ASAP2: variants seen among roughly 807,000 people sequenced by gnomAD.
ASAP2 encodes the protein arf-GAP with SH3 domain, ANK repeat and PH domain-containing protein 2.
ASAP2 carries 45 observed loss-of-function variants against 131.4 expected under a neutral mutation model. The ratio of observed to expected loss-of-function variants is 0.34; its 90% CI spans 0.27 to 0.44. The LOEUF is 0.44. ASAP2 is among the 20% of genes least tolerant of loss of function. ASAP2 has a pLI of 1.00. For missense variants in ASAP2, 1,011 were observed against 1,297.0 expected (o/e 0.78, Z 3.39); for synonymous variants, 510 against 503.0 (o/e 1.01, Z -0.19).
intron 3 of ASAP2, among the ~76,000 whole-genome samples, chr2:9,305,571 G>A (rs1191738672): frequency 5.5e-3 from 728 of 132,976 alleles, no homozygotes; most frequent in Non-Finnish European, 6.5e-3. Context: ...AGGGGCTGTA[G>A]TAGTGAGGTA....
At chr2:9,241,343 G>C (rs187697014) in intron 1 of ASAP2, among the ~76,000 whole-genome samples, 1 of 152,164 alleles carries the variant, frequency 6.6e-6, no homozygotes, top group Non-Finnish European at 1.5e-5. Flanking sequence ...TTTGGTGAGA[G>C]GTTTTCTGGG....
intron 1 of ASAP2, among the ~76,000 whole-genome samples, chr2:9,248,595 A>C (rs1056819588): frequency 2.0e-4 from 30 of 152,186 alleles, no homozygotes; most frequent in African/African-American, 7.0e-4. Context: ...TGTTCAGAAT[A>C]AACACACCTA....
chr2:9,388,159 C>A (rs1381571623), intron 21 of ASAP2, 135 bp from the exon 22 acceptor site: 1 of 1,105,988 alleles, frequency 9.0e-7, no homozygotes, highest in Non-Finnish European at 1.3e-6. Flanking sequence ...AGCTCTCAGG[C>A]AACAGTTGAG....
intron 5 of ASAP2, among the ~76,000 whole-genome samples, chr2:9,320,958 A>G (rs994351569): frequency 1.3e-5 from 2 of 152,186 alleles, no homozygotes; most frequent in African/African-American, 2.4e-5. Context: ...AACTTCCCCA[A>G]TCACAGTTTC....
chr2:9,400,062 G>T lies in ASAP2; in HGVS notation c.2724G>T (p.Pro908=). 2 of 1,613,312 alleles carry T rather than the reference G, an allele frequency of 1.2e-6. No homozygotes were observed. The highest frequency in any genetic ancestry group is 1.1e-5 in the South Asian group (1 of 91,072). ...CCCCACTGACCAACAAAGGCCAACCGAGAGGACCTGGTAATTATTTAATTT... is the reference window on the plus strand; with the variant it reads ...CCCCACTGACCAACAAAGGCCAACCTAGAGGACCTGGTAATTATTTAATTT... ...KSTPLTNKGQ[P]RGPVDLSATE... Residue 908 remains proline (P), a synonymous_variant, in exon 25 of 28, where the codon CCG becomes CCT. Transcript: ENST00000281419.
intron 16 of ASAP2, among the ~76,000 whole-genome samples, chr2:9,374,201 G>A (rs1029911746): frequency 3.9e-5 from 6 of 152,224 alleles, no homozygotes; most frequent in African/African-American, 1.4e-4. Context: ...ACACAAAGAG[G>A]ACTGCCATTT....
intron 1 of ASAP2, among the ~76,000 whole-genome samples, chr2:9,210,894 G>A (rs550352348): frequency 4.0e-5 from 6 of 151,436 alleles, no homozygotes; most frequent in African/African-American, 7.2e-5. Context: ...GGTGGCTCAC[G>A]CCTGTAATCC....
chr2:9,234,133 G>A (rs1663371321), intron 1 of ASAP2, among the ~76,000 whole-genome samples: 1 of 147,390 alleles, frequency 6.8e-6, no homozygotes, highest in Non-Finnish European at 1.5e-5. Context: ...AAAAAAAAAG[G>A]AAGAGGGGAG....
chr2:9,341,710 C>T (rs1212654957), intron 9 of ASAP2, among the ~76,000 whole-genome samples: 1 of 152,174 alleles, frequency 6.6e-6, no homozygotes, highest in East Asian at 1.9e-4. Context: ...AGCAGTATTT[C>T]TCCACATTCC....
chr2:9,207,116 G>C lies in ASAP2; in HGVS notation c.12G>C (p.Gln4His), dbSNP rs928852938. The change falls in exon 1 of 28, where the codon CAG becomes CAC. Residue 4 changes from glutamine (Q) to histidine (H), a missense_variant. Around this residue, in one of 2 missense-constraint regions of ASAP2, gnomAD observed 359 missense variants for 598.1 expected, o/e 0.60. Coordinates refer to ENST00000281419, the MANE Select transcript of ASAP2 (RefSeq NM_003887.3). This position sits in a 1 kb window ranked among gnomAD's most constrained non-coding sequence, Gnocchi z 4.1. ...CTCGCGCCGAGGCGATGCCGGACCAGATCTCCGTGTCGGAATTCGTGGCCG... is the reference window on the plus strand; with the variant it reads ...CTCGCGCCGAGGCGATGCCGGACCACATCTCCGTGTCGGAATTCGTGGCCG... MPD[Q>H]ISVSEFVAET... The C allele has an allele frequency of 6.3e-7, 1 of 1,594,704 alleles. No individual in the cohort carries two copies. Among genetic ancestry groups the C allele is most frequent in the East Asian group, 2.3e-5 (1 of 43,192 alleles).
chr2:9,324,622 A>C, intron 6 of ASAP2, among the ~76,000 whole-genome samples: 1 of 150,940 alleles, frequency 6.6e-6, no homozygotes, highest in East Asian at 1.9e-4. Flanking sequence ...TAATTGTACC[A>C]CTCCCCCAGT....
At chr2:9,383,783 A>C (rs1483304732) in intron 20 of ASAP2, among the ~76,000 whole-genome samples, 2 of 152,172 alleles carry the variant, frequency 1.3e-5, no homozygotes, top group Non-Finnish European at 2.9e-5. Flanking sequence ...TCAGTGATAG[A>C]CTGGATTAAG....
At chr2:9,335,007 G>T in intron 8 of ASAP2, 86 bp from the exon 9 acceptor site, 3 of 1,438,460 alleles carry the variant, frequency 2.1e-6, no homozygotes, top group Non-Finnish European at 2.9e-6. Context: ...CGCATTGTGT[G>T]GAAATGGCCC....
intron 1 of ASAP2, among the ~76,000 whole-genome samples, chr2:9,235,786 G>A (rs1663508887): frequency 6.6e-6 from 1 of 152,190 alleles, no homozygotes; most frequent in Non-Finnish European, 1.5e-5. Context: ...TGTTTTAGAT[G>A]TCTGAACCCT....
intron 7 of ASAP2, among the ~76,000 whole-genome samples, chr2:9,333,152 A>G (rs1005601827): frequency 1.3e-5 from 2 of 152,272 alleles, no homozygotes; most frequent in African/African-American, 2.4e-5. Context: ...ATCACCTCAC[A>G]TGACATATGT....
At position 9,295,233 on chromosome 2, in the gene ASAP2, A is replaced by G. The variant is rs562138557; in HGVS notation, c.200-2067A>G. Reference sequence around the variant, plus strand: ...AGTAGAGTAGGAGAGTGGACTTTGGAATCAGAAAATTTGGGTTTGAATCCC... The same window carrying G: ...AGTAGAGTAGGAGAGTGGACTTTGGGATCAGAAAATTTGGGTTTGAATCCC... On this transcript the variant is annotated intron_variant, in intron 2 of 27. Coordinates refer to ENST00000281419, the MANE Select transcript of ASAP2 (RefSeq NM_003887.3). Among the ~76,000 whole-genome samples, 44 of 152,360 alleles carry G rather than the reference A, an allele frequency of 2.9e-4. No homozygotes were observed. In the East Asian group the frequency reaches 7.3e-3, roughly 25 times the overall value.
At chr2:9,369,683 G>A (rs1673781854) in intron 16 of ASAP2, among the ~76,000 whole-genome samples, 1 of 152,138 alleles carries the variant, frequency 6.6e-6, no homozygotes, top group Non-Finnish European at 1.5e-5. Flanking sequence ...ATAAGAAAAA[G>A]TATTTAAAAA....
rs1391814601 is a variant in ASAP2 at position 9,217,637 on chromosome 2, G to A, written c.126+10407G>A. On this transcript the variant is annotated intron_variant, in intron 1 of 27. Transcript: ENST00000281419. The surrounding 1 kb of genome is among the most constrained non-coding windows in gnomAD (Gnocchi z 4.0). Reference sequence around the variant, plus strand: ...TGTTTTTTGTTTTTTTTTTTGAGACGGAGTCTTCGCTCTGCCACCCAGGCT... The same window carrying A: ...TGTTTTTTGTTTTTTTTTTTGAGACAGAGTCTTCGCTCTGCCACCCAGGCT... Among the ~76,000 whole-genome samples, 4 of 148,898 alleles carry A rather than the reference G, an allele frequency of 2.7e-5. No homozygotes were observed. The highest frequency in any genetic ancestry group is 6.7e-5 in the Admixed American group (1 of 15,012).
At chr2:9,239,047 T>A (rs1038954093) in intron 1 of ASAP2, among the ~76,000 whole-genome samples, 1 of 152,212 alleles carries the variant, frequency 6.6e-6, no homozygotes, top group African/African-American at 2.4e-5. Flanking sequence ...CCCGTGGCGT[T>A]AGCAGCAAGC....
Sources: gnomAD v4.1 joint callset for allele counts (sites outside exome capture counted in the v4.1 genomes callset) on GRCh38, gnomAD v4.1.1 for gene constraint, gnomAD v4.1.1 regional missense constraint, Gnocchi (gnomAD v3.1) non-coding constraint, MANE v1.5 for transcripts, NCBI Gene and HGNC (gene_info 2026-07-23, HGNC 2026-07-21) for gene names.